Variants in TRAPPC9 observed in about 807,000 individuals in gnomAD.
TRAPPC9 encodes the protein IKK2 binding protein.
Under a neutral mutation model 124.0 loss-of-function variants are expected in TRAPPC9, and 83 were observed. That is an observed-to-expected ratio of 0.67 (90% CI 0.56 to 0.80). The LOEUF (loss-of-function observed/expected upper bound fraction) is 0.80. Ranked by LOEUF, TRAPPC9 falls within the 30% of genes least tolerant of loss-of-function variation. TRAPPC9 has a pLI of 0.00. For missense variants in TRAPPC9, 1,302 were observed against 1,508.3 expected (o/e 0.86, Z 2.27); for synonymous variants, 638 against 617.5 (o/e 1.03, Z -0.49).
intron 9 of TRAPPC9, among the ~76,000 whole-genome samples, chr8:140,337,681 A>C (rs1707537424): frequency 6.6e-6 from 1 of 152,186 alleles, no homozygotes; most frequent in African/African-American, 2.4e-5. Context: ...TCCCCCACCA[A>C]AATGGGCTGC....
At chr8:139,845,387 C>T (rs1424741268) in intron 21 of TRAPPC9, among the ~76,000 whole-genome samples, 4 of 152,176 alleles carry the variant, frequency 2.6e-5, no homozygotes, top group Non-Finnish European at 4.4e-5. Flanking sequence ...TAAAAGCGTA[C>T]GACATTAAAA....
chr8:140,190,217 A>T (rs2062457556), intron 17 of TRAPPC9, among the ~76,000 whole-genome samples: 1 of 152,178 alleles, frequency 6.6e-6, no homozygotes, highest in Admixed American at 6.5e-5. Flanking sequence ...GCACTTTGGG[A>T]GGCTGAGGCT....
chr8:140,317,942 T>C (rs2066483521), intron 9 of TRAPPC9, among the ~76,000 whole-genome samples: 1 of 152,214 alleles, frequency 6.6e-6, no homozygotes, highest in African/African-American at 2.4e-5. Context: ...GGAACAACCC[T>C]GGACATTTGA....
intron 9 of TRAPPC9, among the ~76,000 whole-genome samples, chr8:140,315,669 C>A (rs1365135958): frequency 1.3e-5 from 2 of 151,964 alleles, no homozygotes; most frequent in African/African-American, 4.8e-5. Flanking sequence ...TGTTTTAAAC[C>A]TTTGACCTTT....
intron 8 of TRAPPC9, among the ~76,000 whole-genome samples, chr8:140,361,256 G>A (rs560552675): frequency 1.3e-4 from 20 of 152,368 alleles, no homozygotes; most frequent in African/African-American, 4.3e-4. Context: ...TGCAGGGCAG[G>A]TTCTCGTGCC....
At chr8:140,327,345 T>G (rs146916738) in intron 9 of TRAPPC9, among the ~76,000 whole-genome samples, 31 of 152,324 alleles carry the variant, frequency 2.0e-4, no homozygotes, top group African/African-American at 7.5e-4. Flanking sequence ...CCAAACAGTT[T>G]GGCAGTTCCT....
At chr8:140,082,285 C>T (rs1192228673) in intron 17 of TRAPPC9, 1 of 151,712 alleles carries the variant, frequency 6.6e-6, no homozygotes, top group Non-Finnish European at 1.5e-5. Context: ...GAAGGAAGAA[C>T]CTGAAATATA....
At chr8:139,818,304 G>A (rs1824999959) in intron 21 of TRAPPC9, among the ~76,000 whole-genome samples, 1 of 152,198 alleles carries the variant, frequency 6.6e-6, no homozygotes, top group South Asian at 2.1e-4. Flanking sequence ...GGCCTGGCAT[G>A]GTAGCTCATG....
intron 14 of TRAPPC9, among the ~76,000 whole-genome samples, chr8:140,283,390 G>A (rs2065385836): frequency 6.8e-6 from 1 of 147,562 alleles, no homozygotes; most frequent in South Asian, 2.2e-4. Context: ...CGCCTCCTGG[G>A]TTCACGCCAT....
At chr8:140,086,648 G>A (rs551188883) in intron 17 of TRAPPC9, among the ~76,000 whole-genome samples, 102 of 152,280 alleles carry the variant, frequency 6.7e-4, no homozygotes, top group Non-Finnish European at 1.2e-3. Context: ...TCGGCCAGGC[G>A]TGGTGGCTCA....
chr8:140,180,561 C>A (rs1201314177), intron 17 of TRAPPC9, among the ~76,000 whole-genome samples: 2 of 152,138 alleles, frequency 1.3e-5, no homozygotes, highest in African/African-American at 4.8e-5. Context: ...TGCCTTAGAA[C>A]CTCCTTTAAG....
At chr8:140,262,370 G>A (rs960679941) in intron 15 of TRAPPC9, among the ~76,000 whole-genome samples, 3 of 150,768 alleles carry the variant, frequency 2.0e-5, no homozygotes, top group Admixed American at 6.6e-5. Flanking sequence ...CCATGCTCCC[G>A]AGGCGTTGAA....
At chr8:139,848,327 G>C (rs975186826) in intron 21 of TRAPPC9, among the ~76,000 whole-genome samples, 1 of 152,208 alleles carries the variant, frequency 6.6e-6, no homozygotes, top group South Asian at 2.1e-4. Flanking sequence ...TGCCTCTAAA[G>C]ATGACAGAAA....
chr8:140,014,820 C>T (rs989393260), intron 18 of TRAPPC9, among the ~76,000 whole-genome samples: 17 of 152,270 alleles, frequency 1.1e-4, no homozygotes, highest in Admixed American at 9.8e-4. Context: ...ATAGGAATGC[C>T]AATGTCAGAG....
intron 17 of TRAPPC9, among the ~76,000 whole-genome samples, chr8:140,146,546 T>G (rs1323305979): frequency 1.3e-5 from 2 of 152,240 alleles, no homozygotes; most frequent in Non-Finnish European, 2.9e-5. Context: ...TCAGCCACTT[T>G]ATGTATCTCC....
intron 16 of TRAPPC9, among the ~76,000 whole-genome samples, chr8:140,233,436 C>T (rs973139193): frequency 2.6e-5 from 4 of 152,046 alleles, no homozygotes; most frequent in African/African-American, 7.2e-5. Context: ...GAACTCCTGA[C>T]CTCGTGATCC....
intron 1 of TRAPPC9, among the ~76,000 whole-genome samples, chr8:140,451,945 A>ACC (rs2071476737): frequency 6.6e-6 from 1 of 152,048 alleles, no homozygotes; most frequent in Admixed American, 6.6e-5. Context: ...ACATGGTGAA[A>ACC]CCCCACCTAT....
intron 17 of TRAPPC9, among the ~76,000 whole-genome samples, chr8:140,166,810 T>C (rs2130920648): frequency 6.6e-6 from 1 of 152,292 alleles, no homozygotes; most frequent in South Asian, 2.1e-4. Flanking sequence ...AGCCTCCTCA[T>C]CCAATGAAAG....
intron 21 of TRAPPC9, among the ~76,000 whole-genome samples, chr8:139,752,223 CCAA>C (rs893655374): frequency 1.3e-5 from 2 of 151,382 alleles, no homozygotes; most frequent in African/African-American, 4.9e-5. Flanking sequence ...ATCCATCCAT[CCAA>C]CATCTACCCA....
Sources: gnomAD v4.1 joint callset for allele counts (sites outside exome capture counted in the v4.1 genomes callset) on GRCh38, gnomAD v4.1.1 for gene constraint, MANE v1.5 for transcripts, NCBI Gene and HGNC (gene_info 2026-07-23, HGNC 2026-07-21) for gene names.